The following SLC22A23 variants were observed in gnomAD, a reference collection of about 807,000 sequenced individuals.
SLC22A23 encodes the protein ion transporter protein.
A neutral mutation model predicts 61.0 loss-of-function variants in SLC22A23; 26 were observed. That is an observed-to-expected ratio of 0.43 (90% CI 0.31 to 0.59). The LOEUF is 0.59. Ranked by LOEUF, SLC22A23 falls within the 20% of genes least tolerant of loss-of-function variation. The probability of loss-of-function intolerance (pLI) is 0.11; values close to 1 mark genes in which losing one functional copy is unlikely to be tolerated. For synonymous variants in SLC22A23, 430 were observed against 413.9 expected (o/e 1.04, Z -0.47); for missense variants, 796 against 934.7 (o/e 0.85, Z 1.94).
intron 3 of SLC22A23, among the ~76,000 whole-genome samples, chr6:3,343,877 G>A: frequency 6.6e-6 from 1 of 152,174 alleles, no homozygotes; most frequent in East Asian, 1.9e-4. Context: ...GGCACAGGAT[G>A]GCAGAAGAAG....
At chr6:3,274,223 A>G (rs1442530261) in intron 9 of SLC22A23, among the ~76,000 whole-genome samples, 1 of 152,178 alleles carries the variant, frequency 6.6e-6, no homozygotes. Flanking sequence ...TGACCTAAAA[A>G]CACATTACTG....
chr6:3,424,974 CAG>C (rs1231372291), intron 1 of SLC22A23, among the ~76,000 whole-genome samples: 1 of 152,160 alleles, frequency 6.6e-6, no homozygotes, highest in African/African-American at 2.4e-5. Flanking sequence ...GAGGGAGGGG[CAG>C]AGTGTTAACG....
intron 4 of SLC22A23, among the ~76,000 whole-genome samples, chr6:3,298,928 C>T (rs375971060): frequency 0.043 from 6,299 of 145,554 alleles, 441 homozygotes; most frequent in African/African-American, 0.14. Flanking sequence ...GCCGAGATTG[C>T]GCCACTGCAG....
At chr6:3,285,003 C>A (rs771481843) in intron 8 of SLC22A23, 76 bp downstream of exon 8, 2 of 1,574,980 alleles carry the variant, frequency 1.3e-6, no homozygotes, top group African/African-American at 1.4e-5. Flanking sequence ...AACCACAGGT[C>A]CGTGAGTCTT....
chr6:3,355,445 A>T (rs1653775592), intron 3 of SLC22A23, among the ~76,000 whole-genome samples: 1 of 152,166 alleles, frequency 6.6e-6, no homozygotes, highest in Non-Finnish European at 1.5e-5. Context: ...GAGAAAAAAA[A>T]TCTCCATGAT....
intron 9 of SLC22A23, chr6:3,276,623 CTGGTGCTCGCTCTGTG>C (rs1179917337): frequency 1.3e-5 from 2 of 152,446 alleles, no homozygotes; most frequent in African/African-American, 4.8e-5. Flanking sequence ...TCAGCTCTGT[CTGGTGCTCGCTCTGTG>C]AGGTTGGCCT....
Position 3,333,097 on chromosome 6 carries a change from C to T in SLC22A23, c.914-9095G>A, listed in dbSNP as rs11965619. On this transcript the variant is annotated intron_variant, in intron 3 of 9. Transcript: ENST00000406686. The surrounding 1 kb of genome is among the most constrained non-coding windows in gnomAD (Gnocchi z 4.1). ...GCTACCACTGACCCATGGAGCAAAG[C>T]GGCGGCGCCTCAGCCTCCCATCCTA... 0.03 allele frequency among the ~76,000 whole-genome samples: 4,536 copies of T among 152,268 alleles called. 217 individuals are homozygous for T. Among genetic ancestry groups the T allele is most frequent in the African/African-American group, 0.1 (4,287 of 41,524 alleles).
intron 1 of SLC22A23, among the ~76,000 whole-genome samples, chr6:3,433,556 T>C (rs1561979282): frequency 1.3e-5 from 2 of 152,166 alleles, no homozygotes; most frequent in Non-Finnish European, 1.5e-5. Context: ...CTTTTAAATA[T>C]TAGAACAGAG....
intron 3 of SLC22A23, among the ~76,000 whole-genome samples, chr6:3,337,463 T>A (rs1340619134): frequency 2.1e-4 from 31 of 147,536 alleles, no homozygotes; most frequent in Admixed American, 7.3e-4. Context: ...TTTTTTTTTT[T>A]AAATCCTGCC....
At position 3,410,283 on chromosome 6, in the gene SLC22A23, G is replaced by A. The variant is rs764561183; in HGVS notation, c.818C>T (p.Thr273Ile). The A allele has an allele frequency of 3.1e-6, 5 of 1,613,762 alleles. No individual in the cohort carries two copies. In the African/African-American group the frequency reaches 6.7e-5, roughly 22 times the overall value. Residue 273 changes from threonine (T) to isoleucine (I), a missense_variant, in exon 3 of 10, where the codon ACT (threonine) becomes ATT (isoleucine). By Grantham distance (89) the Thr-to-Ile change is moderately conservative (BLOSUM62 -1). Coordinates refer to ENST00000406686, the MANE Select transcript of SLC22A23 (RefSeq NM_015482.2). This position sits in a 1 kb window ranked among gnomAD's most constrained non-coding sequence, Gnocchi z 5.0. ...TGTCACATTCACTGACAGTGCCACA[G>A]TCAGTCCAAAGATCAGAATGAAGAT... ...SIIFILIFGL[T>I]VALSVNVTMF...
At chr6:3,425,285 C>CTTTTT (rs33955202) in intron 1 of SLC22A23, among the ~76,000 whole-genome samples, 35 of 115,830 alleles carry the variant, frequency 3.0e-4, no homozygotes, top group Admixed American at 4.1e-4. Context: ...ATGAATAATT[C>CTTTTT]TTTTTTTTTT....
intron 3 of SLC22A23, among the ~76,000 whole-genome samples, chr6:3,376,467 C>T (rs1405583461): frequency 2.6e-5 from 4 of 152,098 alleles, no homozygotes; most frequent in Non-Finnish European, 5.9e-5. Context: ...TAGCTCTGTG[C>T]CTCTTTCACC....
chr6:3,366,088 T>G (rs1323622988), intron 3 of SLC22A23, among the ~76,000 whole-genome samples: 1 of 151,922 alleles, frequency 6.6e-6, no homozygotes, highest in African/African-American at 2.4e-5. Flanking sequence ...CCCAGCACTT[T>G]GGGAGGCCAA....
At chr6:3,339,070 C>T (rs1220248003) in intron 3 of SLC22A23, among the ~76,000 whole-genome samples, 1 of 152,144 alleles carries the variant, frequency 6.6e-6, no homozygotes, top group Non-Finnish European at 1.5e-5. Flanking sequence ...AGAGCAGGGT[C>T]GAGGGGAGGG....
At chr6:3,434,471 T>C (rs1008613511) in intron 1 of SLC22A23, among the ~76,000 whole-genome samples, 19 of 151,762 alleles carry the variant, frequency 1.3e-4, no homozygotes, top group Non-Finnish European at 2.5e-4. Flanking sequence ...AAGCGGGGCA[T>C]GGTGGTACCC....
At chr6:3,287,215 A>T (rs1169618168) in intron 6 of SLC22A23, 124 bp from the exon 7 acceptor site, 5 of 865,418 alleles carry the variant, frequency 5.8e-6, no homozygotes, top group Non-Finnish European at 9.0e-6. Context: ...GTCATAGAAA[A>T]GCCCATCATG....
Position 3,284,867 on chromosome 6 carries a change from CAG to C in SLC22A23, c.1579+210_1579+211del, listed in dbSNP as rs1441759720. 12 of 1,526,286 alleles carry C rather than the reference CAG, an allele frequency of 7.9e-6. No homozygotes were observed. The African/African-American group carries it at 8.2e-5, about 10-fold the overall frequency. 94.5% of individuals were successfully genotyped at this position (1,526,286 alleles called of 1,614,324 possible). On this transcript the variant is annotated intron_variant, in intron 8 of 9. Transcript: ENST00000406686. ...GCATGCGTGCCAAGCAGCACACAAA[CAG>C]GGAAGCACCAGTCGCTCTTTCTAGA...
chr6:3,290,689 T>C (rs912031057), intron 5 of SLC22A23: 1 of 152,608 alleles, frequency 6.6e-6, no homozygotes, highest in African/African-American at 2.4e-5. Flanking sequence ...GAGGTGCTGG[T>C]GTTGATCTGG....
At chr6:3,282,244 T>A (rs911720607) in intron 9 of SLC22A23, 1 of 702,582 alleles carries the variant, frequency 1.4e-6, no homozygotes, top group Admixed American at 2.0e-5. Context: ...AGACAGGGAG[T>A]GAGCCTGCGG....
Sources: allele counts gnomAD v4.1 joint callset (sites outside exome capture counted in the v4.1 genomes callset), GRCh38; gene constraint gnomAD v4.1.1; non-coding constraint Gnocchi (gnomAD v3.1); transcripts MANE v1.5; gene names NCBI Gene and HGNC (gene_info 2026-07-23, HGNC 2026-07-21).